SGMS1: variants seen among roughly 807,000 people sequenced by gnomAD.
The protein encoded by SGMS1 is sphingomyelin synthase 1.
In SGMS1, 13 loss-of-function variants were observed where a neutral mutation model predicts 46.2. The ratio of observed to expected loss-of-function variants is 0.28; its 90% CI spans 0.18 to 0.45. The LOEUF is 0.45. Ranked by LOEUF, SGMS1 falls within the 20% of genes least tolerant of loss-of-function variation. SGMS1 has a pLI of 1.00. For missense variants in SGMS1, 324 were observed against 519.9 expected, an observed-to-expected ratio of 0.62 and a Z score of 3.66; for synonymous variants, 203 against 187.8, an observed-to-expected ratio of 1.08 and a Z score of -0.66.
At chr10:50,498,809 C>T (rs896604051) in intron 3 of SGMS1, among the ~76,000 whole-genome samples, 1 of 152,174 alleles carries the variant, frequency 6.6e-6, no homozygotes, top group African/African-American at 2.4e-5. Context: ...CTGCTTTCAA[C>T]ACTTTCAGGT....
At chr10:50,327,780 C>A (rs959037027) in intron 7 of SGMS1, among the ~76,000 whole-genome samples, 8 of 152,148 alleles carry the variant, frequency 5.3e-5, no homozygotes, top group African/African-American at 1.9e-4. Context: ...AGACATTAAA[C>A]AATTTTAGTT....
Position 50,601,024 on chromosome 10 carries a change from T to C in SGMS1, c.-683-10777A>G, listed in dbSNP as rs1161795261. On this transcript the variant is annotated intron_variant, in intron 1 of 10. Transcript: ENST00000361781. ...CATGGGCCAAGGAACCACAGACACA[T>C]TTTTAAGCAGTGACTAACATGATCA... Among the ~76,000 whole-genome samples, 3 of 152,238 alleles carry C rather than the reference T, an allele frequency of 2.0e-5. No individual in the cohort carries two copies. The East Asian group carries it at 5.8e-4, about 29-fold the overall frequency.
At chr10:50,363,491 G>T (rs1848286586) in intron 6 of SGMS1, among the ~76,000 whole-genome samples, 1 of 152,166 alleles carries the variant, frequency 6.6e-6, no homozygotes, top group Admixed American at 6.5e-5. Flanking sequence ...TTGTACAGCT[G>T]AGCAACTGCC....
intron 5 of SGMS1, among the ~76,000 whole-genome samples, chr10:50,449,923 G>C (rs1203383): frequency 9.2e-5 from 14 of 151,798 alleles, no homozygotes; most frequent in Non-Finnish European, 1.5e-4. Flanking sequence ...CTAGAAAATG[G>C]AAGTGTCACT....
chr10:50,449,241 T>C (rs1837069046), intron 5 of SGMS1, among the ~76,000 whole-genome samples: 1 of 152,218 alleles, frequency 6.6e-6, no homozygotes, highest in South Asian at 2.1e-4. Context: ...TACCTGCCTA[T>C]GTATTATTTT....
intron 5 of SGMS1, among the ~76,000 whole-genome samples, chr10:50,455,178 T>C (rs1294682630): frequency 6.6e-6 from 1 of 152,218 alleles, no homozygotes; most frequent in East Asian, 1.9e-4. Flanking sequence ...GCTGCAGCAC[T>C]GCACAATTCC....
intron 1 of SGMS1, among the ~76,000 whole-genome samples, chr10:50,600,342 T>A (rs1838638030): frequency 6.6e-6 from 1 of 152,254 alleles, no homozygotes; most frequent in Non-Finnish European, 1.5e-5. Context: ...ATGTATTTAC[T>A]CCTTTTTATC....
chr10:50,506,000 C>A (rs1837703715), intron 3 of SGMS1, among the ~76,000 whole-genome samples: 1 of 152,066 alleles, frequency 6.6e-6, no homozygotes, highest in African/African-American at 2.4e-5. Context: ...GAGCTGTGAT[C>A]CTTCCTCTCC....
chr10:50,310,703 G>T (rs1313950037), intron 9 of SGMS1, among the ~76,000 whole-genome samples: 1 of 152,086 alleles, frequency 6.6e-6, no homozygotes, highest in African/African-American at 2.4e-5. Context: ...CATGTATGCG[G>T]TATTTATAAT....
intron 6 of SGMS1, among the ~76,000 whole-genome samples, chr10:50,393,622 A>G (rs1371324219): frequency 6.6e-6 from 1 of 152,188 alleles, no homozygotes; most frequent in African/African-American, 2.4e-5. Context: ...CATTTCATAA[A>G]GGCACTGATC....
chr10:50,586,144 C>A (rs951058343), intron 2 of SGMS1, among the ~76,000 whole-genome samples: 1 of 152,108 alleles, frequency 6.6e-6, no homozygotes, highest in African/African-American at 2.4e-5. Context: ...AGAATTTTTC[C>A]ATAAAAACAC....
At chr10:50,566,939 T>C (rs1838293414) in intron 2 of SGMS1, among the ~76,000 whole-genome samples, 1 of 152,118 alleles carries the variant, frequency 6.6e-6, no homozygotes, top group Non-Finnish European at 1.5e-5. Flanking sequence ...TGTTTTGTTG[T>C]TGTTGTTGTC....
chr10:50,512,183 G>GCA (rs1310168501), intron 3 of SGMS1, among the ~76,000 whole-genome samples: 1 of 152,132 alleles, frequency 6.6e-6, no homozygotes. Flanking sequence ...TGGCAACAGG[G>GCA]TACTTGGGCA....
intron 5 of SGMS1, among the ~76,000 whole-genome samples, chr10:50,457,147 A>G (rs1435110374): frequency 6.6e-6 from 1 of 152,218 alleles, no homozygotes; most frequent in Non-Finnish European, 1.5e-5. Flanking sequence ...TAGCCACTAA[A>G]AGTATGTTGC....
At chr10:50,596,175 ATTTT>A (rs71457582) in intron 1 of SGMS1, among the ~76,000 whole-genome samples, 3 of 139,712 alleles carry the variant, frequency 2.1e-5, no homozygotes, top group African/African-American at 2.7e-5. Context: ...TTGTATCACG[ATTTT>A]TTTTTTTTTT....
intron 6 of SGMS1, among the ~76,000 whole-genome samples, chr10:50,424,809 G>C (rs951615361): frequency 2.6e-5 from 4 of 151,994 alleles, no homozygotes; most frequent in Non-Finnish European, 5.9e-5. Context: ...CTACTCGGGA[G>C]GCTGAGGCAG....
At position 50,310,470 on chromosome 10, in the gene SGMS1, T is replaced by C. The variant is rs757021918; in HGVS notation, c.895+792A>G. Reference sequence around the variant, plus strand: ...AAAATCTCATATCTCAAAAACATAATTTGAGGGTAAATAGTGGCAGAAGAA... The same window carrying C: ...AAAATCTCATATCTCAAAAACATAACTTGAGGGTAAATAGTGGCAGAAGAA... On this transcript the variant is annotated intron_variant, in intron 9 of 10. Transcript: ENST00000361781. Among the ~76,000 whole-genome samples the C allele has an allele frequency of 4.6e-4, 70 of 152,080 alleles. 4 individuals carry two copies. The highest frequency in any genetic ancestry group is 8.8e-5 in the Non-Finnish European group (6 of 68,016).
intron 6 of SGMS1, among the ~76,000 whole-genome samples, chr10:50,396,453 GAAAA>G (rs986282185): frequency 4.3e-4 from 65 of 152,252 alleles, no homozygotes; most frequent in Non-Finnish European, 5.9e-4. Flanking sequence ...AAAGAGAAGT[GAAAA>G]AATTCAGGAC....
intron 6 of SGMS1, among the ~76,000 whole-genome samples, chr10:50,353,688 C>T (rs1022105286): frequency 4.6e-5 from 7 of 152,286 alleles, no homozygotes; most frequent in Non-Finnish European, 5.9e-5. Flanking sequence ...ATCTAGAAAA[C>T]CCCATCGTCT....
Sources: allele counts gnomAD v4.1 joint callset (sites outside exome capture counted in the v4.1 genomes callset), GRCh38; gene constraint gnomAD v4.1.1; transcripts MANE v1.5; gene names NCBI Gene and HGNC (gene_info 2026-07-23, HGNC 2026-07-21).